The following FREM1 variants were observed in gnomAD, a reference collection of about 807,000 sequenced individuals.
FREM1 encodes the protein FRAS1-related extracellular matrix protein 1.
FREM1 carries 220 observed loss-of-function variants against 210.1 expected under a neutral mutation model. That is an observed-to-expected ratio of 1.05 (90% CI 0.94 to 1.17). The LOEUF (loss-of-function observed/expected upper bound fraction) is 1.17. Ranked by LOEUF, FREM1 falls within the 50% of genes most tolerant of loss-of-function variation. The pLI is 0.00. For missense variants in FREM1, 3,454 were observed against 2,675.5 expected (o/e 1.29, Z -6.42); for synonymous variants, 1,189 against 980.2 (o/e 1.21, Z -3.98).
intron 10 of FREM1, among the ~76,000 whole-genome samples, chr9:14,841,171 G>A (rs1277329526): frequency 6.6e-6 from 1 of 152,148 alleles, no homozygotes; most frequent in African/African-American, 2.4e-5. Flanking sequence ...TTTCTTGAGT[G>A]TCGGGAGACA....
At chr9:14,900,518 G>A (rs4740594) in intron 1 of FREM1, among the ~76,000 whole-genome samples, 89,459 of 151,892 alleles carry the variant, frequency 0.59, 27,584 homozygotes, top group African/African-American at 0.77. Context: ...TGGGGATGCC[G>A]CCTCCAAGAA....
intron 15 of FREM1, among the ~76,000 whole-genome samples, chr9:14,814,026 AC>A (rs1310351814): frequency 6.6e-6 from 1 of 152,050 alleles, no homozygotes; most frequent in Admixed American, 6.6e-5. Flanking sequence ...TTATCCCGAC[AC>A]ACATTCCCCA....
chr9:14,868,514 T>C (rs1327143203), intron 2 of FREM1, among the ~76,000 whole-genome samples: 2 of 152,230 alleles, frequency 1.3e-5, no homozygotes, highest in Non-Finnish European at 2.9e-5. Flanking sequence ...AGGCTTGTAA[T>C]CTGAAGTCAG....
At chr9:14,776,349 A>G (rs1848574970) in intron 24 of FREM1, 146 bp from the exon 25 acceptor site, 1 of 856,980 alleles carries the variant, frequency 1.2e-6, no homozygotes, top group Non-Finnish European at 1.7e-6. Context: ...TTGCAGAAAA[A>G]TCCCTATCAT....
chr9:14,812,745 C>A, intron 16 of FREM1, 67 bp downstream of exon 16: 1 of 1,477,516 alleles, frequency 6.8e-7, no homozygotes, highest in Non-Finnish European at 9.1e-7. Flanking sequence ...TTATGGGAGC[C>A]CACACTGAGG....
chr9:14,882,083 C>T (rs1185995456), intron 1 of FREM1, among the ~76,000 whole-genome samples: 1 of 151,754 alleles, frequency 6.6e-6, no homozygotes, highest in African/African-American at 2.4e-5. Flanking sequence ...ATGTAAACTT[C>T]TTTCCTATTT....
chr9:14,756,306 T>G, intron 29 of FREM1, 68 bp downstream of exon 29: 1 of 1,135,858 alleles, frequency 8.8e-7, no homozygotes. Context: ...CTCTACAATC[T>G]CCAGACATGC....
At chr9:14,910,584 C>T (rs1380941972), upstream of FREM1, among the ~76,000 whole-genome samples, 1 of 152,128 alleles carries the variant, frequency 6.6e-6, no homozygotes, top group Non-Finnish European at 1.5e-5. Context: ...GGCACACATA[C>T]AAACACGATA....
At chr9:14,852,318 G>C (rs1371500697) in intron 5 of FREM1, among the ~76,000 whole-genome samples, 1 of 152,172 alleles carries the variant, frequency 6.6e-6, no homozygotes, top group East Asian at 1.9e-4. Flanking sequence ...AGAGCACTAT[G>C]AGCAAGAGAC....
intron 29 of FREM1, among the ~76,000 whole-genome samples, chr9:14,754,898 C>A (rs913927376): frequency 6.6e-6 from 1 of 152,162 alleles, no homozygotes; most frequent in Non-Finnish European, 1.5e-5. Flanking sequence ...TGCACCACTG[C>A]ACTCCAGCCT....
chr9:14,747,143 A>C (rs1336246370), intron 33 of FREM1, 92 bp from the exon 34 acceptor site: 3 of 1,590,418 alleles, frequency 1.9e-6, no homozygotes, highest in Non-Finnish European at 2.6e-6. Flanking sequence ...TTTGTTGGGA[A>C]GCATTTGTGT....
At position 14,805,051 on chromosome 9, in the gene FREM1, T is replaced by C. The variant is rs1269881903; in HGVS notation, c.3376A>G (p.Thr1126Ala). The change falls in exon 19 of 37, where the codon ACA becomes GCA. Residue 1126 changes from threonine to alanine, a missense_variant. Thr to Ala is a moderately conservative substitution (Grantham distance 58). Coordinates refer to ENST00000380880, the MANE Select transcript of FREM1 (RefSeq NM_001379081.2). ...TCCAAGGAGTGATGCTTCCCATCTGTGACGTACACCGTGAACTGGTCGGCA... is the reference window on the plus strand; with the variant it reads ...TCCAAGGAGTGATGCTTCCCATCTGCGACGTACACCGTGAACTGGTCGGCA... ...PTADQFTVYV[T>A]DGKHHSLEIP... 10 of 1,613,228 alleles carry C rather than the reference T, an allele frequency of 6.2e-6. No homozygotes were observed. Among genetic ancestry groups the C allele is most frequent in the African/African-American group, 2.7e-5 (2 of 74,932 alleles).
intron 24 of FREM1, among the ~76,000 whole-genome samples, chr9:14,777,865 G>C (rs1370521644): frequency 1.3e-5 from 2 of 152,092 alleles, no homozygotes; most frequent in African/African-American, 4.8e-5. Flanking sequence ...AGGGCAGTTA[G>C]ACAAAAAGTA....
intron 22 of FREM1, chr9:14,791,066 C>G (rs528171669): frequency 6.6e-6 from 1 of 152,328 alleles, no homozygotes; most frequent in South Asian, 2.1e-4. Flanking sequence ...GAAAGTTAAG[C>G]ATTCCATCAA....
At chr9:14,900,575 G>A (rs896018939) in intron 1 of FREM1, among the ~76,000 whole-genome samples, 57 of 152,072 alleles carry the variant, frequency 3.7e-4, no homozygotes, top group Non-Finnish European at 6.9e-4. Context: ...GGTGGTGGTT[G>A]GTTGGGGGAG....
At chr9:14,753,587 C>G (rs1843752419) in intron 29 of FREM1, among the ~76,000 whole-genome samples, 1 of 152,170 alleles carries the variant, frequency 6.6e-6, no homozygotes, top group Non-Finnish European at 1.5e-5. Context: ...GTTCTCAAAC[C>G]TTACGGCATC....
intron 35 of FREM1, among the ~76,000 whole-genome samples, chr9:14,744,132 TA>T (rs1842021192): frequency 6.6e-6 from 1 of 152,112 alleles, no homozygotes; most frequent in Non-Finnish European, 1.5e-5. Context: ...AGCCACTGAT[TA>T]ACCTCTCTGG....
intron 23 of FREM1, 25 bp downstream of exon 23, chr9:14,788,894 T>C (rs1400261538): frequency 2.5e-6 from 4 of 1,591,302 alleles, no homozygotes; most frequent in Admixed American, 1.7e-5. Flanking sequence ...TTGATCCCAG[T>C]AAACCTTGGT....
At chr9:14,851,851 C>CT (rs151187014) in intron 5 of FREM1, among the ~76,000 whole-genome samples, 1 of 152,298 alleles carries the variant, frequency 6.6e-6, no homozygotes, top group Non-Finnish European at 1.5e-5. Context: ...CTCGAGCTCC[C>CT]TGGTGACTCT....
Sources: gnomAD v4.1 joint callset for allele counts (sites outside exome capture counted in the v4.1 genomes callset) on GRCh38, gnomAD v4.1.1 for gene constraint, MANE v1.5 for transcripts, NCBI Gene and HGNC (gene_info 2026-07-23, HGNC 2026-07-21) for gene names.